GUCY2C: variants seen among roughly 807,000 people sequenced by gnomAD.
The protein encoded by GUCY2C is guanylyl cyclase C.
Under a neutral mutation model 131.1 loss-of-function variants are expected in GUCY2C, and 118 were observed. The ratio of observed to expected loss-of-function variants is 0.90; its 90% CI spans 0.78 to 1.05. The LOEUF (loss-of-function observed/expected upper bound fraction) is 1.05, where lower values mean the gene tolerates loss of function less well. Among genes scored for constraint, GUCY2C ranks in the 50% least tolerant of loss-of-function variants. The pLI is 0.00. For missense variants in GUCY2C, 1,161 were observed against 1,304.4 expected (o/e 0.89, Z 1.69); for synonymous variants, 452 against 457.8 (o/e 0.99, Z 0.16).
rs1339068091 is a variant in GUCY2C at position 14,612,895 on chromosome 12, A to G, written c.*222T>C. On this transcript the variant is annotated 3_prime_UTR_variant, in exon 27 of 27. Coordinates refer to ENST00000261170, the MANE Select transcript of GUCY2C (RefSeq NM_004963.4). Reference sequence around the variant, plus strand: ...CTTTTCCAGGTAGAAGCTCCCTGGAACAACTGCTGGAATAAGGTTCCAGAG... The same window carrying G: ...CTTTTCCAGGTAGAAGCTCCCTGGAGCAACTGCTGGAATAAGGTTCCAGAG... The G allele has an allele frequency of 2.6e-5, 12 of 453,442 alleles. No individual in the cohort carries two copies. Among genetic ancestry groups the G allele is most frequent in the Non-Finnish European group, 4.7e-5 (12 of 253,902 alleles). 28.1% of individuals were successfully genotyped at this position (453,442 alleles called of 1,614,324 possible).
At chr12:14,626,235 A>C (rs1947013237) in intron 20 of GUCY2C, among the ~76,000 whole-genome samples, 1 of 151,762 alleles carries the variant, frequency 6.6e-6, no homozygotes, top group African/African-American at 2.4e-5. Context: ...AGGCAGGAGA[A>C]TTGCTTGACT....
intron 25 of GUCY2C, 121 bp from the exon 26 acceptor site, chr12:14,615,064 A>G: frequency 3.6e-6 from 2 of 550,954 alleles, no homozygotes; most frequent in Non-Finnish European, 6.4e-6. Flanking sequence ...CATCAGTGCC[A>G]ATATTTAAGC....
rs762645946 is a variant in GUCY2C, at chr12:14,643,713, T to C, written c.1798-7A>G. 1 of 1,607,912 alleles carries C rather than the reference T, an allele frequency of 6.2e-7. No individual in the cohort carries two copies. The highest frequency in any genetic ancestry group is 8.5e-7 in the Non-Finnish European group (1 of 1,177,198). ...AGTGCAGATATGACATTCCCTGTAA[T>C]TTTTTAGATGATAGAAAAACAGAAA... On this transcript the variant is annotated splice_region_variant and splice_polypyrimidine_tract_variant and intron_variant, in intron 16 of 26. Transcript: ENST00000261170.
At chr12:14,662,214 A>C (rs1308336104) in intron 10 of GUCY2C, among the ~76,000 whole-genome samples, 1 of 152,214 alleles carries the variant, frequency 6.6e-6, no homozygotes, top group Non-Finnish European at 1.5e-5. Context: ...TACAGCAAGG[A>C]AAGAAAAGAG....
intron 19 of GUCY2C, among the ~76,000 whole-genome samples, chr12:14,634,350 A>T (rs1947215827): frequency 6.6e-6 from 1 of 152,222 alleles, no homozygotes; most frequent in South Asian, 2.1e-4. Flanking sequence ...AGGGAAATTC[A>T]TCACCCCTAG....
chr12:14,679,896 CTT>C (rs11336448), intron 5 of GUCY2C, 143 bp from the exon 6 acceptor site: 3,700 of 395,896 alleles, frequency 9.3e-3, no homozygotes, highest in South Asian at 0.016. Context: ...TTCCTCCTTC[CTT>C]TTTTTTTTTC....
At chr12:14,674,595 T>G (rs1948187956) in intron 8 of GUCY2C, 30 bp downstream of exon 8, 2 of 1,607,932 alleles carry the variant, frequency 1.2e-6, no homozygotes, top group Non-Finnish European at 1.7e-6. Flanking sequence ...TTCTTCACCT[T>G]GGGGTTATTT....
intron 19 of GUCY2C, 125 bp from the exon 20 acceptor site, chr12:14,628,862 GC>G: frequency 1.6e-6 from 1 of 640,256 alleles, no homozygotes; most frequent in Non-Finnish European, 2.8e-6. Context: ...TCAACTCAGT[GC>G]GGACAAGAGA....
intron 20 of GUCY2C, among the ~76,000 whole-genome samples, chr12:14,627,714 A>G (rs1947053045): frequency 6.6e-6 from 1 of 152,186 alleles, no homozygotes; most frequent in African/African-American, 2.4e-5. Flanking sequence ...CAGTTTCTTC[A>G]TGAGCATACA....
In GUCY2C at chr12:14,645,298, T is replaced by A; in HGVS notation, c.1728A>T (p.Thr576=). The A allele has an allele frequency of 6.3e-7, 1 of 1,588,114 alleles. No homozygotes were observed. Among genetic ancestry groups the A allele is most frequent in the Non-Finnish European group, 8.6e-7 (1 of 1,157,250 alleles). Residue 576 remains threonine (T), a synonymous_variant, in exon 16 of 27, where the codon ACA becomes ACT. Transcript: ENST00000261170. ...RGSLREVLND[T]ISYPDGTFMD... Reference sequence around the variant, plus strand: ...TGAATGTGCCATCAGGGTAGGAAATTGTGTCATTTAAAACTTCCTGAATAG... The same window carrying A: ...TGAATGTGCCATCAGGGTAGGAAATAGTGTCATTTAAAACTTCCTGAATAG...
In GUCY2C at chr12:14,613,188, C is replaced by T; in HGVS notation, c.3151G>A (p.Ala1051Thr). 1 of 1,613,492 alleles carries T rather than the reference C, an allele frequency of 6.2e-7. No homozygotes were observed. Residue 1051 changes from alanine (A) to threonine (T), a missense_variant, in exon 27 of 27, where the codon GCC (alanine) becomes ACC (threonine). Coordinates refer to ENST00000261170, the MANE Select transcript of GUCY2C (RefSeq NM_004963.4). The surrounding 1 kb of genome is among the most constrained non-coding windows in gnomAD (Gnocchi z 4.9). ...TCCAGAGTGCCTTTTTTATAGCTGG[C>T]TACCCGTCTGGGTTTTTGGCTTCTT... ...GIRSQKPRRV[A>T]SYKKGTLEYL...
At position 14,625,815 on chromosome 12, in the gene GUCY2C, G is replaced by A. The variant is rs140135995; in HGVS notation, c.2350C>T (p.Gln784Ter). 1 of 1,613,702 alleles carries A rather than the reference G, an allele frequency of 6.2e-7. No individual in the cohort carries two copies. The highest frequency in any genetic ancestry group is 1.1e-5 in the South Asian group (1 of 91,084). The part of the protein sequence containing the change: ...NLEHLVEERT[Q>*]LYKAERDRAD... ...CTGTCCCTCTCTGCCTTGTACAGCT[G>A]TGTCCTTTCCTCTACCAGATGTTCC... is the stretch of plus-strand genomic sequence containing the variant. Residue 784 changes from glutamine (Q) to a stop codon, truncating the protein, a stop_gained, in exon 21 of 27, where the codon CAG becomes TAG. Transcript: ENST00000261170. LOFTEE classifies it high-confidence loss of function.
At chr12:14,620,998 C>A (rs770774471) in intron 23 of GUCY2C, 44 bp downstream of exon 23, 4 of 1,459,346 alleles carry the variant, frequency 2.7e-6, no homozygotes, top group Non-Finnish European at 3.8e-6. Flanking sequence ...TGGTGCACAG[C>A]AGTACATATG....
At chr12:14,619,985 A>C (rs1690533405) in intron 23 of GUCY2C, among the ~76,000 whole-genome samples, 1 of 152,264 alleles carries the variant, frequency 6.6e-6, no homozygotes, top group East Asian at 1.9e-4. Context: ...TAACAGTTTC[A>C]GAAGTTAAAG....
chr12:14,656,742 A>G (rs1947770583), intron 11 of GUCY2C, 125 bp from the exon 12 acceptor site: 1 of 520,718 alleles, frequency 1.9e-6, no homozygotes, highest in Non-Finnish European at 3.5e-6. Flanking sequence ...AAGGTAGCCC[A>G]ATGACAGAAC....
At chr12:14,693,249 C>A (rs1175145298) in intron 1 of GUCY2C, among the ~76,000 whole-genome samples, 1 of 152,034 alleles carries the variant, frequency 6.6e-6, no homozygotes, top group Non-Finnish European at 1.5e-5. Flanking sequence ...TGGGGTTGGA[C>A]CAACGTGGAC....
At chr12:14,676,101 A>G (rs59719984) in intron 7 of GUCY2C, among the ~76,000 whole-genome samples, 4,912 of 152,226 alleles carry the variant, frequency 0.032, 147 homozygotes, top group East Asian at 0.15. Flanking sequence ...TAAGGTCATC[A>G]GCATTGCCTC....
chr12:14,686,900 G>T (rs1050411072), intron 2 of GUCY2C, among the ~76,000 whole-genome samples: 1 of 152,036 alleles, frequency 6.6e-6, no homozygotes, highest in African/African-American at 2.4e-5. Context: ...TGGCCTGCCT[G>T]GTTGGTGTGA....
chr12:14,669,836 G>C lies in GUCY2C; in HGVS notation c.1171-3C>G. 1 of 1,321,790 alleles carries C rather than the reference G, an allele frequency of 7.6e-7. No homozygotes were observed. The highest frequency in any genetic ancestry group is 1.1e-6 in the Non-Finnish European group (1 of 937,842). The allele number at this position is 1,321,790 out of a possible 1,614,324, so 81.9% of individuals were successfully genotyped here. ...TCATAGGTCAAAAGAACCTTGTACT[G>C]TGTCAGGGCACAAAAAAGAAAAAGG... On this transcript the variant is annotated splice_region_variant and splice_polypyrimidine_tract_variant and intron_variant, in intron 9 of 26. Coordinates refer to ENST00000261170, the MANE Select transcript of GUCY2C (RefSeq NM_004963.4).
Sources: gnomAD v4.1 joint callset for allele counts (sites outside exome capture counted in the v4.1 genomes callset) on GRCh38, gnomAD v4.1.1 for gene constraint, Gnocchi (gnomAD v3.1) non-coding constraint, MANE v1.5 for transcripts, NCBI Gene and HGNC (gene_info 2026-07-23, HGNC 2026-07-21) for gene names.